Variants in PCSK5 observed in about 807,000 individuals in gnomAD.
The protein encoded by PCSK5 is prohormone convertase 5.
In PCSK5, 129 loss-of-function variants were observed where a neutral mutation model predicts 233.2. The ratio of observed to expected loss-of-function variants is 0.55; its 90% CI spans 0.48 to 0.64. The LOEUF is 0.64. Ranked by LOEUF, PCSK5 falls within the 30% of genes least tolerant of loss-of-function variation. The pLI, the probability that PCSK5 is intolerant of heterozygous loss-of-function variation, is 0.00. For missense variants in PCSK5, 2,076 were observed against 2,430.1 expected (o/e 0.85, Z 3.06); for synonymous variants, 825 against 879.2 (o/e 0.94, Z 1.09).
At chr9:76,154,102 T>C (rs1309895323) in intron 10 of PCSK5, among the ~76,000 whole-genome samples, 2 of 152,230 alleles carry the variant, frequency 1.3e-5, no homozygotes, top group Non-Finnish European at 2.9e-5. Flanking sequence ...TATTATGCAA[T>C]TTCCCTTATT....
rs568775748 is a variant in PCSK5, at chr9:76,223,182, TATC to T, written c.2627-4318_2627-4316del. On this transcript the variant is annotated intron_variant, in intron 20 of 37. Coordinates refer to ENST00000674117, the MANE Select transcript of PCSK5 (RefSeq NM_001372043.1). ...AAGTTTTTAAACTCACATCATAAAA[TATC>T]ATATTTATGTATCGATTAATTTATT... Among the ~76,000 whole-genome samples, 73 of 152,384 alleles carry T rather than the reference TATC, an allele frequency of 4.8e-4. No individual in the cohort carries two copies. In the South Asian group the frequency reaches 0.014, roughly 29 times the overall value.
intron 10 of PCSK5, among the ~76,000 whole-genome samples, chr9:76,140,451 A>G (rs1823164058): frequency 6.6e-6 from 1 of 152,104 alleles, no homozygotes; most frequent in South Asian, 2.1e-4. Flanking sequence ...AAAATGGAAA[A>G]TACCAAACAA....
intron 27 of PCSK5, among the ~76,000 whole-genome samples, chr9:76,297,780 C>T (rs1828487514): frequency 6.6e-6 from 1 of 152,124 alleles, no homozygotes; most frequent in African/African-American, 2.4e-5. Context: ...GAGTGCTGTA[C>T]AGGAGGAGTG....
At chr9:76,049,195 GA>G (rs561951319) in intron 5 of PCSK5, among the ~76,000 whole-genome samples, 295 of 152,258 alleles carry the variant, frequency 1.9e-3, no homozygotes, top group Non-Finnish European at 3.4e-3. Context: ...GCCCATTGCA[GA>G]AAATATTTGG....
At chr9:76,139,935 TA>T in intron 10 of PCSK5, among the ~76,000 whole-genome samples, 1 of 152,134 alleles carries the variant, frequency 6.6e-6, no homozygotes. Context: ...GGTCATGGCT[TA>T]ATCCAGAGTC....
intron 7 of PCSK5, among the ~76,000 whole-genome samples, chr9:76,077,049 G>GA (rs1349624537): frequency 2.0e-5 from 3 of 152,060 alleles, no homozygotes; most frequent in South Asian, 2.1e-4. Context: ...TTTATAGGGA[G>GA]AAAAAACAGA....
At chr9:75,945,741 T>C (rs1195609302) in intron 2 of PCSK5, among the ~76,000 whole-genome samples, 1 of 152,174 alleles carries the variant, frequency 6.6e-6, no homozygotes, top group Non-Finnish European at 1.5e-5. Flanking sequence ...TCATCACACT[T>C]GGCCATATCT....
Position 76,225,733 on chromosome 9 carries a change from T to C in PCSK5, c.2627-1770T>C, listed in dbSNP as rs552440514. ...GCTTGAAATCACCACTCCTGCTAGA[T>C]GGAGGTCACAGCTTTTTTCTGTCTC... is the stretch of plus-strand genomic sequence containing the variant. On this transcript the variant is annotated intron_variant, in intron 20 of 37. Coordinates refer to ENST00000674117, the MANE Select transcript of PCSK5 (RefSeq NM_001372043.1). Among the ~76,000 whole-genome samples, 220 of 152,320 alleles carry C rather than the reference T, an allele frequency of 1.4e-3. 2 individuals are homozygous for C. Among genetic ancestry groups the C allele is most frequent in the Non-Finnish European group, 2.0e-3 (133 of 68,032 alleles).
At chr9:76,183,429 A>G (rs748461747) in intron 16 of PCSK5, among the ~76,000 whole-genome samples, 1 of 152,236 alleles carries the variant, frequency 6.6e-6, no homozygotes, top group Non-Finnish European at 1.5e-5. Context: ...ACACATTTAC[A>G]GTGCTTAATA....
intron 1 of PCSK5, among the ~76,000 whole-genome samples, chr9:75,903,574 G>GTA (rs1554703571): frequency 4.9e-4 from 56 of 115,454 alleles, no homozygotes; most frequent in Non-Finnish European, 7.1e-4. Flanking sequence ...GTGTGTGTGT[G>GTA]TATATATATA....
chr9:76,292,214 T>A lies in PCSK5; in HGVS notation c.3143-19T>A. ...CGAATTCCTCATGATTATTACTTTT[T>A]ATTATTTTTTTTTTCCAGATGATCC... is the stretch of plus-strand genomic sequence containing the variant. On this transcript the variant is annotated intron_variant, in intron 24 of 37. Transcript: ENST00000674117. The A allele has an allele frequency of 6.9e-7, 1 of 1,451,772 alleles. No individual in the cohort carries two copies. The highest frequency in any genetic ancestry group is 9.5e-7 in the Non-Finnish European group (1 of 1,050,972). The allele number at this position is 1,451,772 out of a possible 1,614,324, so 89.9% of individuals were successfully genotyped here.
chr9:76,232,208 T>G (rs1359115600), intron 21 of PCSK5, among the ~76,000 whole-genome samples: 1 of 152,152 alleles, frequency 6.6e-6, no homozygotes. Flanking sequence ...CATCTGATCT[T>G]TCGTGTGGTG....
At chr9:76,275,635 G>A (rs1489648571) in intron 24 of PCSK5, among the ~76,000 whole-genome samples, 1 of 152,132 alleles carries the variant, frequency 6.6e-6, no homozygotes, top group African/African-American at 2.4e-5. Flanking sequence ...ATGTTGGCCA[G>A]GCTGGCCTCA....
Position 76,358,654 on chromosome 9 carries a change from A to G in PCSK5, c.5396A>G (p.Gln1799Arg), listed in dbSNP as rs754070589. The change falls in exon 38 of 38, where the codon CAG becomes CGG. Residue 1799 changes from glutamine (Q) to arginine (R), a missense_variant. By Grantham distance (43) the Gln-to-Arg change is conservative. Transcript: ENST00000674117. ...VVWKKSRGRV[Q>R]PAAKAGYEKL... The stretch of plus-strand genomic sequence containing the variant: ...TGGAAGAAATCTCGTGGCCGAGTCC[A>G]GCCAGCAGCAAAGGCCGGCTATGAA... 6.2e-7 allele frequency: 1 copy of G among 1,612,736 alleles called. No individual in the cohort carries two copies.
intron 1 of PCSK5, among the ~76,000 whole-genome samples, chr9:75,930,924 G>T (rs1470568420): frequency 2.0e-5 from 3 of 152,294 alleles, no homozygotes; most frequent in East Asian, 1.9e-4. Flanking sequence ...GCTGGCATCT[G>T]TGCCCTCTTC....
At chr9:76,302,458 G>T (rs948190813) in intron 28 of PCSK5, among the ~76,000 whole-genome samples, 1 of 152,246 alleles carries the variant, frequency 6.6e-6, no homozygotes, top group South Asian at 2.1e-4. Flanking sequence ...AAGGATATTC[G>T]TGACGAGCTA....
chr9:75,899,818 G>T (rs556617204), intron 1 of PCSK5, among the ~76,000 whole-genome samples: 24 of 152,298 alleles, frequency 1.6e-4, no homozygotes, highest in African/African-American at 4.6e-4. Context: ...AAAAGGCAGA[G>T]AAAAGAATGT....
chr9:76,161,770 A>G (rs187248375), intron 12 of PCSK5, among the ~76,000 whole-genome samples: 2 of 152,334 alleles, frequency 1.3e-5, no homozygotes, highest in African/African-American at 2.4e-5. Flanking sequence ...TCAGGCTCGC[A>G]TGCATTCTTC....
intron 37 of PCSK5, among the ~76,000 whole-genome samples, chr9:76,357,612 G>A (rs1240445263): frequency 1.3e-5 from 2 of 152,150 alleles, no homozygotes; most frequent in Non-Finnish European, 2.9e-5. Context: ...GCCAGGCTAG[G>A]AGCATAAAAC....
Sources: allele counts gnomAD v4.1 joint callset (sites outside exome capture counted in the v4.1 genomes callset), GRCh38; gene constraint gnomAD v4.1.1; transcripts MANE v1.5; gene names NCBI Gene and HGNC (gene_info 2026-07-23, HGNC 2026-07-21).